The following CADPS2 variants were observed in gnomAD, a reference collection of about 807,000 sequenced individuals.
The protein encoded by CADPS2 is calcium-dependent secretion activator 2.
In CADPS2, 93 loss-of-function variants were observed where a neutral mutation model predicts 172.5. That is an observed-to-expected ratio of 0.54 (90% CI 0.46 to 0.64). CADPS2 has a LOEUF of 0.64. CADPS2 is among the 30% of genes least tolerant of loss of function. The pLI is 0.00. For synonymous variants in CADPS2, 546 were observed against 555.2 expected, an observed-to-expected ratio of 0.98 and a Z score of 0.23; for missense variants, 1,420 against 1,565.9, an observed-to-expected ratio of 0.91 and a Z score of 1.57.
intron 25 of CADPS2, among the ~76,000 whole-genome samples, chr7:122,361,944 A>G (rs969443082): frequency 1.3e-5 from 2 of 152,052 alleles, no homozygotes; most frequent in African/African-American, 4.8e-5. Context: ...ATGGTGGCTC[A>G]TATCTGTAAT....
At chr7:122,650,712 T>C (rs1406186954) in intron 3 of CADPS2, among the ~76,000 whole-genome samples, 2 of 152,126 alleles carry the variant, frequency 1.3e-5, no homozygotes, top group Non-Finnish European at 2.9e-5. Flanking sequence ...CACAGCCAAA[T>C]GGAGCAACAC....
intron 29 of CADPS2, among the ~76,000 whole-genome samples, chr7:122,321,545 G>A (rs1430811168): frequency 6.6e-6 from 1 of 152,274 alleles, no homozygotes; most frequent in Non-Finnish European, 1.5e-5. Flanking sequence ...CTGGAGTGCA[G>A]TGGCACAATC....
intron 9 of CADPS2, 105 bp downstream of exon 9, chr7:122,513,144 T>A: frequency 2.7e-6 from 2 of 736,632 alleles, no homozygotes; most frequent in Non-Finnish European, 4.6e-6. Flanking sequence ...GGCTTAAACA[T>A]ATTTTAATTT....
intron 8 of CADPS2, among the ~76,000 whole-genome samples, chr7:122,523,244 A>G (rs906968858): frequency 4.6e-5 from 7 of 152,170 alleles, no homozygotes; most frequent in African/African-American, 1.4e-4. Flanking sequence ...ACAATTGATC[A>G]TTATTAAAGG....
chr7:122,733,082 A>AT (rs986224646), intron 2 of CADPS2, among the ~76,000 whole-genome samples: 3 of 151,578 alleles, frequency 2.0e-5, no homozygotes, highest in Non-Finnish European at 4.4e-5. Context: ...ACTTCAAATG[A>AT]TGTAAGAAGC....
At chr7:122,620,858 G>A (rs2075523577) in intron 5 of CADPS2, among the ~76,000 whole-genome samples, 1 of 152,044 alleles carries the variant, frequency 6.6e-6, no homozygotes, top group Non-Finnish European at 1.5e-5. Context: ...ATGTTGAATT[G>A]CTATTTCTAC....
At chr7:122,633,863 T>C (rs1413652500) in intron 3 of CADPS2, among the ~76,000 whole-genome samples, 2 of 152,110 alleles carry the variant, frequency 1.3e-5, no homozygotes, top group African/African-American at 4.8e-5. Context: ...TATATGTTTC[T>C]TCAATACCTA....
intron 1 of CADPS2, among the ~76,000 whole-genome samples, chr7:122,804,753 T>G (rs1798422252): frequency 6.6e-6 from 1 of 152,218 alleles, no homozygotes; most frequent in African/African-American, 2.4e-5. Flanking sequence ...CAAATTCTTA[T>G]ATGCTCTGTA....
chr7:122,550,087 C>A (rs13246063), intron 8 of CADPS2, among the ~76,000 whole-genome samples: 17,289 of 152,156 alleles, frequency 0.11, 1,281 homozygotes, highest in African/African-American at 0.2. Flanking sequence ...TGTAGGCATG[C>A]TGTCCCAACC....
intron 27 of CADPS2, among the ~76,000 whole-genome samples, chr7:122,354,889 C>T (rs2151074571): frequency 6.6e-6 from 1 of 152,276 alleles, no homozygotes; most frequent in African/African-American, 2.4e-5. Context: ...TAGCCAAGAG[C>T]AATCTATCAA....
In CADPS2 at chr7:122,737,050, G is replaced by T; in HGVS notation, c.358C>A (p.Gln120Lys). ...GCCTGGAACCGTTCTTTCAGTAACTGCAACTGTTGTTTGTTAAGCTACAAG... is the reference window on the plus strand; with the variant it reads ...GCCTGGAACCGTTCTTTCAGTAACTTCAACTGTTGTTTGTTAAGCTACAAG... ...RQQKLNKQQL[Q>K]LLKERFQAFL... The change falls in exon 2 of 30, where the codon CAG becomes AAG. Residue 120 changes from glutamine to lysine, a missense_variant. Physicochemically the swap from Gln to Lys is moderately conservative, Grantham distance 53. Coordinates refer to ENST00000449022, the MANE Select transcript of CADPS2 (RefSeq NM_017954.11). 6.3e-7 allele frequency: 1 copy of T among 1,598,876 alleles called. No individual in the cohort carries two copies. Among genetic ancestry groups the T allele is most frequent in the Non-Finnish European group, 8.6e-7 (1 of 1,166,760 alleles).
intron 6 of CADPS2, among the ~76,000 whole-genome samples, chr7:122,593,591 G>A (rs1429366557): frequency 2.0e-5 from 3 of 151,962 alleles, no homozygotes; most frequent in Admixed American, 6.6e-5. Flanking sequence ...GAGAATGTTC[G>A]TTATTCTTAC....
At chr7:122,593,499 C>T (rs1164294904) in intron 6 of CADPS2, among the ~76,000 whole-genome samples, 2 of 151,934 alleles carry the variant, frequency 1.3e-5, no homozygotes, top group African/African-American at 2.4e-5. Flanking sequence ...TAACATGTTC[C>T]TCATAATACA....
chr7:122,884,722 T>C (rs1373298597), intron 1 of CADPS2, among the ~76,000 whole-genome samples: 1 of 152,234 alleles, frequency 6.6e-6, no homozygotes, highest in Non-Finnish European at 1.5e-5. Context: ...CATACAATAG[T>C]GTTAACTATA....
chr7:122,447,274 T>C (rs550168431), intron 15 of CADPS2, among the ~76,000 whole-genome samples: 2 of 152,186 alleles, frequency 1.3e-5, no homozygotes, highest in Admixed American at 1.3e-4. Flanking sequence ...TTTGATGTCC[T>C]CTCTTTATAC....
Position 122,585,948 on chromosome 7 carries a change from A to ACTT in CADPS2, c.1224-4659_1224-4658insAAG, listed in dbSNP as rs2069608714. Among the ~76,000 whole-genome samples, 3 of 152,084 alleles carry ACTT rather than the reference A, an allele frequency of 2.0e-5. No homozygotes were observed. The South Asian group carries it at 6.2e-4, about 32-fold the overall frequency. ...TTCTAAGGACTTATCCTATCAAAATAATTGTAAGTATTAAAAAGAGTCTAA... is the reference window on the plus strand; with the variant it reads ...TTCTAAGGACTTATCCTATCAAAATACTTATTGTAAGTATTAAAAAGAGTCTAA... On this transcript the variant is annotated intron_variant, in intron 6 of 29. Coordinates refer to ENST00000449022, the MANE Select transcript of CADPS2 (RefSeq NM_017954.11).
chr7:122,830,217 A>G (rs1291626008), intron 1 of CADPS2, among the ~76,000 whole-genome samples: 1 of 152,194 alleles, frequency 6.6e-6, no homozygotes. Flanking sequence ...CTTCAGCCCT[A>G]GGAAATCACC....
At chr7:122,607,364 G>A (rs982351346) in intron 6 of CADPS2, among the ~76,000 whole-genome samples, 1 of 152,110 alleles carries the variant, frequency 6.6e-6, no homozygotes, top group African/African-American at 2.4e-5. Flanking sequence ...GAGTACCTAA[G>A]GATTGTGCTG....
intron 25 of CADPS2, among the ~76,000 whole-genome samples, chr7:122,375,116 CTACT>C (rs1158846158): frequency 2.6e-5 from 4 of 152,122 alleles, no homozygotes; most frequent in African/African-American, 9.7e-5. Context: ...AATGTCCATA[CTACT>C]TAAAGTGATC....
Sources: gnomAD v4.1 joint callset for allele counts (sites outside exome capture counted in the v4.1 genomes callset) on GRCh38, gnomAD v4.1.1 for gene constraint, MANE v1.5 for transcripts, NCBI Gene and HGNC (gene_info 2026-07-23, HGNC 2026-07-21) for gene names.